NLRP5: variants seen among roughly 807,000 people sequenced by gnomAD.
NLRP5 encodes the protein NLR family pyrin domain containing 5, also known as NACHT, LRR and PYD domains-containing protein 5.
A neutral mutation model predicts 113.1 loss-of-function variants in NLRP5; 93 were observed. The observed-to-expected ratio is 0.82, with a 90% confidence interval of 0.70 to 0.98. NLRP5 has a LOEUF of 0.98. Among genes scored for constraint, NLRP5 ranks in the 50% least tolerant of loss-of-function variants. NLRP5 has a pLI of 0.00. For synonymous variants in NLRP5, 751 were observed against 600.7 expected, an observed-to-expected ratio of 1.25 and a Z score of -3.66; for missense variants, 1,808 against 1,514.3, an observed-to-expected ratio of 1.19 and a Z score of -3.22.
intron 2 of NLRP5, among the ~76,000 whole-genome samples, chr19:56,007,884 TGTGTGCGCGTGCGCGCGTGC>T (rs1981988578): frequency 1.0e-5 from 1 of 99,850 alleles, no homozygotes; most frequent in South Asian, 3.3e-4. Flanking sequence ...TGTGTGTGTG[TGTGTGCGCGTGCGCGCGTGC>T]GTGTGTGTGT....
intron 13 of NLRP5, 117 bp from the exon 14 acceptor site, chr19:56,058,123 G>T: frequency 2.4e-6 from 2 of 837,754 alleles, no homozygotes; most frequent in Admixed American, 2.9e-5. Flanking sequence ...TTTTTTGTTT[G>T]TTTTTGTTTT....
intron 3 of NLRP5, 55 bp downstream of exon 3, chr19:56,008,908 A>G: frequency 6.8e-7 from 1 of 1,470,726 alleles, no homozygotes. Context: ...CATGGCAGCC[A>G]GTTTGCATCT....
chr19:56,032,588 T>C (rs1983160879), intron 7 of NLRP5, 23 bp from the exon 8 acceptor site: 2 of 1,602,278 alleles, frequency 1.2e-6, no homozygotes, highest in Non-Finnish European at 1.7e-6. Flanking sequence ...CATGAGCCCA[T>C]GTTTCTATCC....
At chr19:56,049,833 T>G (rs564883676) in intron 11 of NLRP5, among the ~76,000 whole-genome samples, 2 of 152,276 alleles carry the variant, frequency 1.3e-5, no homozygotes, top group African/African-American at 4.8e-5. Context: ...GCTCCTGTAT[T>G]TTTTCAGGAA....
chr19:56,005,458 T>TACAC (rs372007561), intron 2 of NLRP5, among the ~76,000 whole-genome samples: 1 of 134,384 alleles, frequency 7.4e-6, no homozygotes, highest in Admixed American at 7.3e-5. Context: ...TATTTTTATA[T>TACAC]ACACACACAC....
At chr19:56,057,293 C>T (rs564572270) in intron 13 of NLRP5, among the ~76,000 whole-genome samples, 4 of 152,266 alleles carry the variant, frequency 2.6e-5, no homozygotes, top group Non-Finnish European at 2.9e-5. Context: ...AAATAACCAG[C>T]GTGCTCCCTT....
At chr19:56,030,263 A>T (rs1348638030) in intron 7 of NLRP5, among the ~76,000 whole-genome samples, 1 of 151,818 alleles carries the variant, frequency 6.6e-6, no homozygotes, top group Non-Finnish European at 1.5e-5. Flanking sequence ...CCAGCTACTC[A>T]GGAGGCTGAG....
intron 3 of NLRP5, among the ~76,000 whole-genome samples, chr19:56,011,566 G>T (rs1982193631): frequency 6.6e-6 from 1 of 152,052 alleles, no homozygotes; most frequent in African/African-American, 2.4e-5. Context: ...TCGTACGTAT[G>T]ACGACTACAA....
intron 11 of NLRP5, among the ~76,000 whole-genome samples, chr19:56,049,231 G>C (rs1396926587): frequency 1.3e-5 from 2 of 151,304 alleles, no homozygotes; most frequent in African/African-American, 2.4e-5. Flanking sequence ...CCATGCTGGA[G>C]TGCAATGGTG....
chr19:56,050,527 A>G lies in NLRP5; in HGVS notation c.3067A>G (p.Asn1023Asp), dbSNP rs375970786. The change falls in exon 12 of 15, where the codon AAT becomes GAT. Residue 1023 changes from asparagine to aspartate, a missense_variant. Asn to Asp is a conservative substitution (Grantham distance 23). Coordinates refer to ENST00000390649, the MANE Select transcript of NLRP5 (RefSeq NM_153447.4). ...CCTTAGCATGAACCCTGTGGAAGACAATGGCGTGAAGCTTCTGTGCGAGGT... is the reference window on the plus strand; with the variant it reads ...CCTTAGCATGAACCCTGTGGAAGACGATGGCGTGAAGCTTCTGTGCGAGGT... 265 of 1,613,800 alleles carry G rather than the reference A, an allele frequency of 1.6e-4. No individual in the cohort carries two copies. Among genetic ancestry groups the G allele is most frequent in the Non-Finnish European group, 2.1e-4 (245 of 1,179,878 alleles).
intron 10 of NLRP5, among the ~76,000 whole-genome samples, chr19:56,039,453 C>G (rs1049673711): frequency 6.6e-6 from 1 of 152,146 alleles, no homozygotes; most frequent in Non-Finnish European, 1.5e-5. Context: ...GTGAGACATC[C>G]AGGCTCAGAG....
chr19:56,018,083 G>T (rs1047474048), intron 4 of NLRP5, among the ~76,000 whole-genome samples: 16 of 152,106 alleles, frequency 1.1e-4, no homozygotes, highest in Non-Finnish European at 1.6e-4. Flanking sequence ...TACACAATGG[G>T]TTATTGAAGG....
intron 6 of NLRP5, among the ~76,000 whole-genome samples, chr19:56,021,166 A>T (rs1355907153): frequency 6.6e-6 from 1 of 152,098 alleles, no homozygotes; most frequent in Non-Finnish European, 1.5e-5. Context: ...CGCTGTGCCC[A>T]GCTGCCTTCA....
intron 6 of NLRP5, among the ~76,000 whole-genome samples, chr19:56,024,410 A>G (rs1208203751): frequency 8.0e-6 from 1 of 124,908 alleles, no homozygotes; most frequent in Non-Finnish European, 1.7e-5. Flanking sequence ...ATGTACATAT[A>G]TGTATATATG....
At chr19:56,021,066 T>C (rs1599887157) in intron 6 of NLRP5, among the ~76,000 whole-genome samples, 2 of 152,192 alleles carry the variant, frequency 1.3e-5, no homozygotes, top group East Asian at 3.9e-4. Flanking sequence ...GAGATGGGGT[T>C]TCACCATATT....
In NLRP5 at chr19:56,058,362, A is replaced by G; in HGVS notation, c.3422A>G (p.Lys1141Arg). The change falls in exon 14 of 15, where the codon AAG (lysine) becomes AGG (arginine). Residue 1141 changes from lysine to arginine, a missense_variant. By Grantham distance (26) the Lys-to-Arg change is conservative. Coordinates refer to ENST00000390649, the MANE Select transcript of NLRP5 (RefSeq NM_153447.4). ...AACTTCAGTCCCAAAGGAATGATGA[A>G]GCTGTGTTCGGCCTTTGCCTGTCCC... The G allele has an allele frequency of 6.2e-7, 1 of 1,614,006 alleles. No homozygotes were observed. Among genetic ancestry groups the G allele is most frequent in the Non-Finnish European group, 8.5e-7 (1 of 1,179,880 alleles).
intron 6 of NLRP5, 56 bp downstream of exon 6, chr19:56,020,487 G>T: frequency 6.5e-7 from 1 of 1,543,888 alleles, no homozygotes; most frequent in Non-Finnish European, 8.9e-7. Flanking sequence ...TTGGGTGAAA[G>T]AAGTGTAAGT....
intron 13 of NLRP5, among the ~76,000 whole-genome samples, chr19:56,055,116 G>A (rs1325932810): frequency 3.4e-5 from 5 of 148,862 alleles, no homozygotes; most frequent in Admixed American, 2.7e-4. Flanking sequence ...AGCCTCCCGA[G>A]TAGCTGGGAC....
At chr19:56,005,738 A>G (rs1268758890) in intron 2 of NLRP5, among the ~76,000 whole-genome samples, 1 of 152,106 alleles carries the variant, frequency 6.6e-6, no homozygotes, top group Non-Finnish European at 1.5e-5. Context: ...CTGAGCTTGG[A>G]AAAAAGGCCC....
Sources: gnomAD v4.1 joint callset for allele counts (sites outside exome capture counted in the v4.1 genomes callset) on GRCh38, gnomAD v4.1.1 for gene constraint, MANE v1.5 for transcripts, NCBI Gene and HGNC (gene_info 2026-07-23, HGNC 2026-07-21) for gene names.